NEDD4L: variants seen among roughly 807,000 people sequenced by gnomAD.
NEDD4L encodes the protein E3 ubiquitin-protein ligase NEDD4-like.
A neutral mutation model predicts 148.9 loss-of-function variants in NEDD4L; 54 were observed. That is an observed-to-expected ratio of 0.36 (90% confidence interval 0.29 to 0.45). NEDD4L has a LOEUF of 0.45. NEDD4L is among the 20% of genes least tolerant of loss of function. NEDD4L has a pLI of 1.00. For missense variants in NEDD4L, 856 were observed against 1,233.8 expected (o/e 0.69, Z 4.59); for synonymous variants, 433 against 440.7 (o/e 0.98, Z 0.22).
At chr18:58,139,996 G>A (rs1359713458) in intron 1 of NEDD4L, among the ~76,000 whole-genome samples, 1 of 152,172 alleles carries the variant, frequency 6.6e-6, no homozygotes, top group Non-Finnish European at 1.5e-5. Context: ...ATGGACATTG[G>A]TTCAGTGCTC....
intron 1 of NEDD4L, among the ~76,000 whole-genome samples, chr18:58,075,307 T>C (rs911566888): frequency 2.0e-5 from 3 of 152,128 alleles, no homozygotes; most frequent in Non-Finnish European, 4.4e-5. Flanking sequence ...CACACCACCA[T>C]GCCCGACTAC....
At chr18:58,255,560 T>C in intron 5 of NEDD4L, 2 of 1,231,766 alleles carry the variant, frequency 1.6e-6, no homozygotes, top group Non-Finnish European at 2.0e-6. Context: ...TCTTGGAATT[T>C]GTGTCTTTGG....
At chr18:58,147,705 C>T (rs527521112) in intron 1 of NEDD4L, among the ~76,000 whole-genome samples, 3 of 152,240 alleles carry the variant, frequency 2.0e-5, no homozygotes, top group South Asian at 4.1e-4. Flanking sequence ...GGCCTCATAT[C>T]GTATGTGTGT....
intron 6 of NEDD4L, among the ~76,000 whole-genome samples, chr18:58,319,240 G>A (rs2058563316): frequency 6.6e-6 from 1 of 152,170 alleles, no homozygotes; most frequent in Admixed American, 6.5e-5. Context: ...CAATAAGCAG[G>A]TCATTGGTGG....
rs1325770622 is a variant in NEDD4L, at chr18:58,290,284, T to A, written c.298-25698T>A. 2.6e-5 allele frequency among the ~76,000 whole-genome samples: 4 copies of A among 152,274 alleles called. No individual in the cohort carries two copies. The East Asian group carries it at 7.7e-4, about 29-fold the overall frequency. On this transcript the variant is annotated intron_variant, in intron 5 of 30. Transcript: ENST00000400345. ...AATTCAACAACCAGATTTGTTTTGC[T>A]AATCTTATTAAAGTGCAACATGTTT... is the stretch of plus-strand genomic sequence containing the variant.
rs2048504534 is a variant in NEDD4L at position 58,256,107 on chromosome 18, C to T, written c.297+4053C>T. 3 of 1,226,872 alleles carry T rather than the reference C, an allele frequency of 2.4e-6. No homozygotes were observed. Among genetic ancestry groups the T allele is most frequent in the South Asian group, 4.1e-5 (1 of 24,308 alleles). The allele number at this position is 1,226,872 out of a possible 1,614,324, so 76.0% of individuals were successfully genotyped here. A position where few individuals can be genotyped will look rare whatever the true frequency, so the allele number is the denominator to read the frequency against. Reference sequence around the variant, plus strand: ...AGGGACACCCCCGGGAGCTCCCCTCCGAGGGCAGCCCGGGACCCAGGGCTC... The same window carrying T: ...AGGGACACCCCCGGGAGCTCCCCTCTGAGGGCAGCCCGGGACCCAGGGCTC... On this transcript the variant is annotated intron_variant, in intron 5 of 30. Transcript: ENST00000400345. The surrounding 1 kb of genome is among the most constrained non-coding windows in gnomAD (Gnocchi z 5.2).
intron 1 of NEDD4L, 108 bp from the exon 2 acceptor site, chr18:58,165,680 G>A: frequency 1.3e-6 from 2 of 1,520,386 alleles, no homozygotes; most frequent in Non-Finnish European, 1.8e-6. Context: ...GATTTGTTCT[G>A]TATCCCAATA....
At chr18:58,117,356 T>C (rs1244408944) in intron 1 of NEDD4L, among the ~76,000 whole-genome samples, 1 of 152,250 alleles carries the variant, frequency 6.6e-6, no homozygotes, top group Non-Finnish European at 1.5e-5. Context: ...GAATTTGATT[T>C]GTGTACACTT....
intron 1 of NEDD4L, chr18:58,045,362 G>A: frequency 2.6e-6 from 1 of 388,156 alleles, no homozygotes; most frequent in Non-Finnish European, 4.5e-6. Flanking sequence ...GAAGCTTGCA[G>A]CCCTGCCATT....
chr18:58,289,839 T>C, intron 5 of NEDD4L, among the ~76,000 whole-genome samples: 1 of 152,252 alleles, frequency 6.6e-6, no homozygotes. Context: ...GTATGCAGCT[T>C]TTTATAAGTG....
intron 1 of NEDD4L, among the ~76,000 whole-genome samples, chr18:58,106,809 C>T (rs541114224): frequency 2.0e-5 from 3 of 152,118 alleles, no homozygotes; most frequent in Non-Finnish European, 4.4e-5. Context: ...AACCACTCGC[C>T]CAAAGTCACA....
At chr18:58,375,949 A>G (rs544818595) in intron 24 of NEDD4L, among the ~76,000 whole-genome samples, 2 of 152,298 alleles carry the variant, frequency 1.3e-5, no homozygotes, top group East Asian at 3.9e-4. Flanking sequence ...GTCACCCTGG[A>G]AGTATCTTCC....
chr18:58,057,350 A>C (rs2082132816), intron 1 of NEDD4L, among the ~76,000 whole-genome samples: 1 of 152,094 alleles, frequency 6.6e-6, no homozygotes, highest in South Asian at 2.1e-4. Context: ...GGATGACTAC[A>C]ATGAACCTTC....
intron 1 of NEDD4L, among the ~76,000 whole-genome samples, chr18:58,085,109 T>A (rs944439666): frequency 6.6e-6 from 1 of 152,140 alleles, no homozygotes; most frequent in Non-Finnish European, 1.5e-5. Context: ...CTTAATCACT[T>A]CTTTAAAGTC....
At chr18:58,060,637 C>T (rs1332527037) in intron 1 of NEDD4L, among the ~76,000 whole-genome samples, 1 of 152,134 alleles carries the variant, frequency 6.6e-6, no homozygotes, top group Non-Finnish European at 1.5e-5. Flanking sequence ...TAGGTTTCTT[C>T]AGAGGACTAG....
chr18:58,113,567 G>C (rs146458583), intron 1 of NEDD4L, among the ~76,000 whole-genome samples: 2 of 152,150 alleles, frequency 1.3e-5, no homozygotes, highest in African/African-American at 2.4e-5. Flanking sequence ...GGGTTTCCCA[G>C]GCAGGGACAC....
intron 1 of NEDD4L, among the ~76,000 whole-genome samples, chr18:58,163,854 C>T (rs1456032757): frequency 6.6e-6 from 1 of 152,116 alleles, no homozygotes; most frequent in African/African-American, 2.4e-5. Context: ...GACAAAGATC[C>T]ACCATCCTGT....
chr18:58,363,476 A>G (rs796214087), intron 19 of NEDD4L, among the ~76,000 whole-genome samples: 5 of 152,342 alleles, frequency 3.3e-5, no homozygotes, highest in African/African-American at 1.2e-4. Context: ...AAGCTTTTTC[A>G]GTAGCCAAAA....
intron 6 of NEDD4L, among the ~76,000 whole-genome samples, chr18:58,318,323 A>G (rs2058474430): frequency 6.6e-6 from 1 of 152,220 alleles, no homozygotes; most frequent in Admixed American, 6.5e-5. Context: ...TTGGAGGCCG[A>G]GGCAGGAGGA....
Sources: gnomAD v4.1 joint callset for allele counts (sites outside exome capture counted in the v4.1 genomes callset) on GRCh38, gnomAD v4.1.1 for gene constraint, Gnocchi (gnomAD v3.1) non-coding constraint, MANE v1.5 for transcripts, NCBI Gene and HGNC (gene_info 2026-07-23, HGNC 2026-07-21) for gene names.